Variants in ENTREP2 observed in about 807,000 individuals in gnomAD.
ENTREP2 encodes the protein endosomal transmembrane epsin interactor 2, also known as protein ENTREP2.
chr15:29,664,512 C>T, the ENTREP2 span, among the ~76,000 whole-genome samples: 31,632 of 151,092 alleles, frequency 0.21, 5,711 homozygotes, highest in African/African-American at 0.49. Flanking sequence ...TGGATGCCGA[C>T]GCTGGGAGAC....
the ENTREP2 span, among the ~76,000 whole-genome samples, chr15:29,455,319 C>T: frequency 6.6e-6 from 1 of 152,236 alleles, no homozygotes; most frequent in Non-Finnish European, 1.5e-5. Flanking sequence ...AGAGAGCCAC[C>T]CAGCCAAGCC....
chr15:29,192,726 TAGAC>T, the ENTREP2 span, among the ~76,000 whole-genome samples: 1 of 152,150 alleles, frequency 6.6e-6, no homozygotes. Flanking sequence ...ATGCCTTTGA[TAGAC>T]AGGGTCGGCA....
At chr15:29,475,566 G>T in the ENTREP2 span, among the ~76,000 whole-genome samples, 652 of 152,302 alleles carry the variant, frequency 4.3e-3, 1 homozygote, top group Non-Finnish European at 6.9e-3. Flanking sequence ...GGGGCTGAGG[G>T]AGGAGGAGTA....
the ENTREP2 span, among the ~76,000 whole-genome samples, chr15:29,278,244 C>A: frequency 1.3e-5 from 2 of 152,196 alleles, no homozygotes; most frequent in Non-Finnish European, 2.9e-5. Flanking sequence ...CAGGGTTCCT[C>A]CCTCCCTGAG....
chr15:29,591,162 G>C, the ENTREP2 span, among the ~76,000 whole-genome samples: 12 of 152,122 alleles, frequency 7.9e-5, 1 homozygote, highest in Non-Finnish European at 1.5e-4. Context: ...TGTCTCTTCT[G>C]GGAGATGCTG....
chr15:29,369,220 C>T, the ENTREP2 span, among the ~76,000 whole-genome samples: 2 of 152,098 alleles, frequency 1.3e-5, no homozygotes, highest in East Asian at 1.9e-4. Flanking sequence ...CAACAATCTA[C>T]ACATCCAAGC....
At chr15:29,338,461 C>G in the ENTREP2 span, among the ~76,000 whole-genome samples, 2 of 151,736 alleles carry the variant, frequency 1.3e-5, no homozygotes, top group Non-Finnish European at 2.9e-5. Context: ...AAAAAGAAAC[C>G]AGGCAGGCAC....
chr15:29,628,540 G>A, the ENTREP2 span, among the ~76,000 whole-genome samples: 1 of 152,104 alleles, frequency 6.6e-6, no homozygotes, highest in Middle Eastern at 3.2e-3. Context: ...GTTGATTGAT[G>A]GTGATGTTCA....
chr15:29,573,136 T>C, the ENTREP2 span, among the ~76,000 whole-genome samples: 1 of 152,168 alleles, frequency 6.6e-6, no homozygotes, highest in South Asian at 2.1e-4. Context: ...TATATGTGAA[T>C]TGATTTGTTT....
At chr15:29,596,640 C>A in the ENTREP2 span, among the ~76,000 whole-genome samples, 1 of 152,058 alleles carries the variant, frequency 6.6e-6, no homozygotes, top group Non-Finnish European at 1.5e-5. Flanking sequence ...GCCTCTCATT[C>A]TGGGTTCCCC....
At chr15:29,489,205 A>T in the ENTREP2 span, among the ~76,000 whole-genome samples, 1 of 152,364 alleles carries the variant, frequency 6.6e-6, no homozygotes, top group East Asian at 1.9e-4. Context: ...CAGTAGCAGA[A>T]GCAGCATGGA....
chr15:29,129,395 C>G, the ENTREP2 span, among the ~76,000 whole-genome samples: 1 of 152,196 alleles, frequency 6.6e-6, no homozygotes, highest in Non-Finnish European at 1.5e-5. Flanking sequence ...CTTTTGCAAT[C>G]AGAGAGCCTG....
the ENTREP2 span, among the ~76,000 whole-genome samples, chr15:29,663,853 A>G: frequency 6.6e-6 from 1 of 152,170 alleles, no homozygotes; most frequent in Admixed American, 6.5e-5. Flanking sequence ...CCTAAAACTT[A>G]AAGTATAATT....
At chr15:29,224,314 T>G in the ENTREP2 span, among the ~76,000 whole-genome samples, 1 of 152,148 alleles carries the variant, frequency 6.6e-6, no homozygotes, top group Non-Finnish European at 1.5e-5. Flanking sequence ...AAAGGCAGTT[T>G]GGACCCAAAG....
the ENTREP2 span, among the ~76,000 whole-genome samples, chr15:29,147,132 C>T: frequency 6.6e-6 from 1 of 152,134 alleles, no homozygotes; most frequent in Admixed American, 6.5e-5. Flanking sequence ...GAGAAATTTA[C>T]AAATTATATA....
the ENTREP2 span, among the ~76,000 whole-genome samples, chr15:29,167,496 AAGAGTGGGCTG>A: frequency 6.6e-6 from 1 of 152,232 alleles, no homozygotes; most frequent in African/African-American, 2.4e-5. Flanking sequence ...AATCCCATCA[AAGAGTGGGCTG>A]ACATGAACAG....
At chr15:29,563,844 A>AAGT in the ENTREP2 span, among the ~76,000 whole-genome samples, 4 of 150,788 alleles carry the variant, frequency 2.7e-5, no homozygotes, top group African/African-American at 9.8e-5. Flanking sequence ...CTCAAAAATA[A>AAGT]AAATAAATAA....
chr15:29,566,416 G>A, the ENTREP2 span, among the ~76,000 whole-genome samples: 312 of 150,980 alleles, frequency 2.1e-3, 1 homozygote, highest in African/African-American at 7.1e-3. Context: ...CACCTGCCTC[G>A]GCCTCCCAAA....
chr15:29,133,982 C>T, the ENTREP2 span, among the ~76,000 whole-genome samples: 1 of 152,102 alleles, frequency 6.6e-6, no homozygotes. Context: ...AGGAGCCCTT[C>T]CAGCCCCACT....
Sources: gnomAD v4.1 joint callset for allele counts (sites outside exome capture counted in the v4.1 genomes callset) on GRCh38, gnomAD v4.1.1 for gene constraint, MANE v1.5 for transcripts, NCBI Gene and HGNC (gene_info 2026-07-23, HGNC 2026-07-21) for gene names.